The following RBFOX1 variants were observed in gnomAD, a reference collection of about 807,000 sequenced individuals.
RBFOX1 encodes RNA binding fox-1 homolog 1.
Under a neutral mutation model 57.7 loss-of-function variants are expected in RBFOX1, and 8 were observed. The ratio of observed to expected loss-of-function variants is 0.14; its 90% CI spans 0.08 to 0.25. The LOEUF is 0.25. Among genes scored for constraint, RBFOX1 ranks in the 10% least tolerant of loss-of-function variants. RBFOX1 has a pLI of 1.00. For synonymous variants in RBFOX1, 326 were observed against 222.4 expected, an observed-to-expected ratio of 1.47 and a Z score of -4.15; for missense variants, 611 against 548.5, an observed-to-expected ratio of 1.11 and a Z score of -1.14.
intron 3 of RBFOX1, among the ~76,000 whole-genome samples, chr16:6,997,182 G>A (rs1161882316): frequency 1.3e-5 from 2 of 152,010 alleles, no homozygotes; most frequent in Non-Finnish European, 2.9e-5. Context: ...AATTATCTTA[G>A]CATTTTCCCC....
At chr16:7,344,135 A>G (rs775869895) in intron 4 of RBFOX1, among the ~76,000 whole-genome samples, 2 of 139,432 alleles carry the variant, frequency 1.4e-5, no homozygotes, top group Non-Finnish European at 3.0e-5. Context: ...TTAACTCCTA[A>G]GCTACTCTGA....
chr16:6,070,909 A>T (rs945509318), intron 1 of RBFOX1, among the ~76,000 whole-genome samples: 1 of 152,042 alleles, frequency 6.6e-6, no homozygotes, highest in Admixed American at 6.6e-5. Flanking sequence ...TAATGCTCAG[A>T]ATGAAGCACA....
chr16:6,453,956 A>C (rs2094697935), intron 2 of RBFOX1, among the ~76,000 whole-genome samples: 1 of 152,224 alleles, frequency 6.6e-6, no homozygotes. Context: ...TGGAGGCCGA[A>C]GTCCAAATCC....
At chr16:6,331,764 CTT>C (rs1555628745) in intron 2 of RBFOX1, among the ~76,000 whole-genome samples, 1 of 107,982 alleles carries the variant, frequency 9.3e-6, no homozygotes, top group African/African-American at 3.8e-5. Context: ...TTTGTTTCAC[CTT>C]TTTTTAAAAA....
intron 1 of RBFOX1, among the ~76,000 whole-genome samples, chr16:6,127,750 G>A (rs1034226436): frequency 6.6e-6 from 1 of 152,126 alleles, no homozygotes; most frequent in Non-Finnish European, 1.5e-5. Flanking sequence ...GGGAAAAATG[G>A]GATGTTAATA....
chr16:5,765,082 AG>A (rs1276970910), intron 3 of RBFOX1, among the ~76,000 whole-genome samples: 1 of 152,220 alleles, frequency 6.6e-6, no homozygotes, highest in Non-Finnish European at 1.5e-5. Flanking sequence ...ATGTGTGCAC[AG>A]GCAAGCATGT....
At chr16:5,703,097 C>T (rs1157778786) in intron 3 of RBFOX1, among the ~76,000 whole-genome samples, 1 of 152,100 alleles carries the variant, frequency 6.6e-6, no homozygotes, top group South Asian at 2.1e-4. Context: ...GAAAAAGATG[C>T]CAGGTCTTTG....
chr16:7,455,682 G>A lies in RBFOX1; in HGVS notation c.28-62465G>A, dbSNP rs183860897. Among the ~76,000 whole-genome samples, 466 of 150,786 alleles carry A rather than the reference G, an allele frequency of 3.1e-3. 1 individual carries two copies. Among genetic ancestry groups the A allele is most frequent in the African/African-American group, 0.011 (451 of 41,088 alleles). On this transcript the variant is annotated intron_variant, in intron 4 of 15. Coordinates refer to ENST00000550418, the MANE Select transcript of RBFOX1 (RefSeq NM_018723.4). ...CGTGGTTGTAGTCCCAGCTACTCAG[G>A]AGGCTGAGGTGGGAGAATTGCTTGA... is the stretch of plus-strand genomic sequence containing the variant.
intron 3 of RBFOX1, among the ~76,000 whole-genome samples, chr16:6,923,700 C>G (rs1037394426): frequency 4.6e-5 from 7 of 152,068 alleles, no homozygotes; most frequent in African/African-American, 1.7e-4. Flanking sequence ...CTGCCATTTT[C>G]TAGCCTTTAA....
At chr16:7,391,874 G>T (rs569333394) in intron 4 of RBFOX1, among the ~76,000 whole-genome samples, 3 of 152,246 alleles carry the variant, frequency 2.0e-5, no homozygotes, top group South Asian at 2.1e-4. Context: ...ATTCTTTTAC[G>T]TAGGCTGAGA....
chr16:7,171,498 G>T (rs544360071), intron 4 of RBFOX1, among the ~76,000 whole-genome samples: 1 of 152,196 alleles, frequency 6.6e-6, no homozygotes, highest in Non-Finnish European at 1.5e-5. Flanking sequence ...ATTTCTTTCA[G>T]TGTGAATCCT....
At chr16:7,507,933 C>G (rs529340164) in intron 4 of RBFOX1, among the ~76,000 whole-genome samples, 1 of 151,892 alleles carries the variant, frequency 6.6e-6, no homozygotes, top group South Asian at 2.1e-4. Flanking sequence ...TGTTCTGTTG[C>G]ATCTATCTGA....
intron 1 of RBFOX1, among the ~76,000 whole-genome samples, chr16:6,260,161 A>T (rs9929295): frequency 0.06 from 9,186 of 152,174 alleles, 322 homozygotes; most frequent in Middle Eastern, 0.14. Flanking sequence ...GAGCTGAGGG[A>T]AAGTTCTCCC....
intron 1 of RBFOX1, among the ~76,000 whole-genome samples, chr16:6,253,428 C>G (rs1042958390): frequency 1.3e-5 from 2 of 152,134 alleles, no homozygotes; most frequent in Non-Finnish European, 2.9e-5. Flanking sequence ...GCACCATTAT[C>G]CTGATGTCTG....
At chr16:5,739,578 T>C (rs868523932) in intron 3 of RBFOX1, among the ~76,000 whole-genome samples, 1 of 152,200 alleles carries the variant, frequency 6.6e-6, no homozygotes, top group Non-Finnish European at 1.5e-5. Flanking sequence ...AGAAAATAAA[T>C]TTTTCATATA....
chr16:7,193,921 G>C (rs1405216298), intron 4 of RBFOX1, among the ~76,000 whole-genome samples: 1 of 151,960 alleles, frequency 6.6e-6, no homozygotes, highest in East Asian at 1.9e-4. Flanking sequence ...TCTAGTAGCA[G>C]TTGAAAATAT....
At chr16:7,167,604 C>T (rs1056559912) in intron 4 of RBFOX1, among the ~76,000 whole-genome samples, 2 of 152,260 alleles carry the variant, frequency 1.3e-5, no homozygotes, top group Non-Finnish European at 1.5e-5. Context: ...ACAGAGAATA[C>T]ATTTCTTTTG....
chr16:6,513,736 AAAAC>A (rs371822908), intron 2 of RBFOX1, among the ~76,000 whole-genome samples: 1,738 of 151,266 alleles, frequency 0.011, 38 homozygotes, highest in African/African-American at 0.037. Flanking sequence ...CTTCGTCTCA[AAAAC>A]AAACAAACAA....
At chr16:7,016,068 T>C (rs191890527) in intron 3 of RBFOX1, among the ~76,000 whole-genome samples, 2 of 152,282 alleles carry the variant, frequency 1.3e-5, no homozygotes, top group South Asian at 2.1e-4. Flanking sequence ...AGTGAGACCA[T>C]AAGGCTTGTT....
Sources: allele counts gnomAD v4.1 joint callset (sites outside exome capture counted in the v4.1 genomes callset), GRCh38; gene constraint gnomAD v4.1.1; transcripts MANE v1.5; gene names NCBI Gene and HGNC (gene_info 2026-07-23, HGNC 2026-07-21).